Variants in TTC7B observed in about 807,000 individuals in gnomAD.
The protein encoded by TTC7B is tetratricopeptide repeat protein 7B.
Under a neutral mutation model 106.8 loss-of-function variants are expected in TTC7B, and 28 were observed. The observed-to-expected ratio is 0.26, with a 90% CI of 0.19 to 0.36. The LOEUF (loss-of-function observed/expected upper bound fraction) is 0.36. Ranked by LOEUF, TTC7B falls within the 10% of genes least tolerant of loss-of-function variation. The pLI is 1.00. For synonymous variants in TTC7B, 405 were observed against 430.6 expected (o/e 0.94, Z 0.74); for missense variants, 862 against 1,076.4 (o/e 0.80, Z 2.79).
chr14:90,766,547 C>A, intron 3 of TTC7B: 1 of 772,492 alleles, frequency 1.3e-6, no homozygotes, highest in South Asian at 1.4e-5. Flanking sequence ...CTAGTGATCC[C>A]TGAAAAGTTC....
chr14:90,629,181 C>T (rs545485259), intron 15 of TTC7B, among the ~76,000 whole-genome samples: 22 of 152,282 alleles, frequency 1.4e-4, no homozygotes, highest in African/African-American at 5.3e-4. Flanking sequence ...AGGATCCCCA[C>T]AAGAATACTT....
chr14:90,770,828 G>A (rs1396714168), intron 3 of TTC7B, among the ~76,000 whole-genome samples: 2 of 152,176 alleles, frequency 1.3e-5, no homozygotes, highest in Non-Finnish European at 2.9e-5. Flanking sequence ...GAGTCAAAAC[G>A]TGGTACATGC....
chr14:90,609,353 A>G (rs1449423350), intron 17 of TTC7B, among the ~76,000 whole-genome samples: 8 of 152,238 alleles, frequency 5.3e-5, no homozygotes, highest in Non-Finnish European at 1.2e-4. Flanking sequence ...CAGGAGCTGC[A>G]GGACTTTTGG....
At chr14:90,544,044 G>T (rs568361452) in intron 19 of TTC7B, among the ~76,000 whole-genome samples, 2 of 152,352 alleles carry the variant, frequency 1.3e-5, no homozygotes, top group South Asian at 4.1e-4. Flanking sequence ...CAGCCAAGGA[G>T]ACCCATGGCC....
chr14:90,689,400 T>A, intron 7 of TTC7B, 140 bp downstream of exon 7: 1 of 725,998 alleles, frequency 1.4e-6, no homozygotes, highest in Non-Finnish European at 2.2e-6. Context: ...GAGGAATCTC[T>A]ACTAAACTGG....
At chr14:90,682,850 A>G (rs1887109153) in intron 7 of TTC7B, among the ~76,000 whole-genome samples, 1 of 152,350 alleles carries the variant, frequency 6.6e-6, no homozygotes, top group African/African-American at 2.4e-5. Flanking sequence ...TCCTCGTCCC[A>G]GCCATGCCAC....
intron 3 of TTC7B, among the ~76,000 whole-genome samples, chr14:90,778,082 C>T (rs1891092193): frequency 6.6e-6 from 1 of 152,036 alleles, no homozygotes; most frequent in Admixed American, 6.5e-5. Flanking sequence ...ATAACCGTCC[C>T]TCTACACTGT....
chr14:90,689,805 G>A, intron 6 of TTC7B, 93 bp from the exon 7 acceptor site: 1 of 1,422,088 alleles, frequency 7.0e-7, no homozygotes, highest in African/African-American at 1.4e-5. Flanking sequence ...TCATCACATT[G>A]TGCTAAGCAC....
intron 4 of TTC7B, 84 bp from the exon 5 acceptor site, chr14:90,730,280 G>C (rs1232967443): frequency 4.0e-5 from 59 of 1,490,426 alleles, no homozygotes; most frequent in Non-Finnish European, 4.8e-5. Context: ...TGTACTGCTC[G>C]ACCTAAAAAA....
intron 5 of TTC7B, among the ~76,000 whole-genome samples, chr14:90,700,181 C>T (rs1887931040): frequency 6.6e-6 from 1 of 152,162 alleles, no homozygotes; most frequent in South Asian, 2.1e-4. Context: ...GGGAGCAGTA[C>T]TCCTACACCA....
At chr14:90,714,217 C>G (rs1352676871) in intron 5 of TTC7B, among the ~76,000 whole-genome samples, 2 of 148,674 alleles carry the variant, frequency 1.3e-5, no homozygotes, top group African/African-American at 5.0e-5. Flanking sequence ...GCAACAAGAG[C>G]GAAACTCTGT....
At chr14:90,622,093 G>C (rs974580418) in intron 15 of TTC7B, among the ~76,000 whole-genome samples, 1 of 151,280 alleles carries the variant, frequency 6.6e-6, no homozygotes, top group Non-Finnish European at 1.5e-5. Context: ...CTGTAAGCTA[G>C]CCACACAAAG....
At position 90,548,632 on chromosome 14, in the gene TTC7B, C is replaced by A. The variant is rs547581616; in HGVS notation, c.2311-7043G>T. Among the ~76,000 whole-genome samples the A allele has an allele frequency of 2.0e-3, 309 of 152,322 alleles. 2 individuals carry two copies. The highest frequency in any genetic ancestry group is 3.4e-3 in the Middle Eastern group (1 of 294). The stretch of plus-strand genomic sequence containing the variant: ...GCCTGGAGGGCAGGGACTGGGTGAA[C>A]CCCGGTCATCTCTGCACCTCCAGGC... On this transcript the variant is annotated intron_variant, in intron 19 of 19. Transcript: ENST00000328459.
In TTC7B at chr14:90,600,875, C is replaced by G. The variant is rs1192445674; in HGVS notation, c.1967-7249G>C. On this transcript the variant is annotated intron_variant, in intron 17 of 19. Coordinates refer to ENST00000328459, the MANE Select transcript of TTC7B (RefSeq NM_001010854.2). The surrounding 1 kb of genome is among the most constrained non-coding windows in gnomAD (Gnocchi z 4.3). ...CATTGGGCAGATGCTTCCATCTCCA[C>G]CTGAACCCTCCCTGATGCATATTCA... is the stretch of plus-strand genomic sequence containing the variant. 6.6e-6 allele frequency among the ~76,000 whole-genome samples: 1 copy of G among 152,210 alleles called. No individual in the cohort carries two copies. The highest frequency in any genetic ancestry group is 1.5e-5 in the Non-Finnish European group (1 of 68,038).
chr14:90,802,433 G>A lies in TTC7B; in HGVS notation c.121+13742C>T, dbSNP rs1377747153. Among the ~76,000 whole-genome samples, 1 of 152,060 alleles carries A rather than the reference G, an allele frequency of 6.6e-6. No homozygotes were observed. The highest frequency in any genetic ancestry group is 1.9e-4 in the East Asian group (1 of 5,176). On this transcript the variant is annotated intron_variant, in intron 1 of 19. Transcript: ENST00000328459. This position sits in a 1 kb window ranked among gnomAD's most constrained non-coding sequence, Gnocchi z 4.7. ...CTGAGCACAGGTGAAGGAGCCGCTG[G>A]CCTCTGAAGGGAGTGAGGGCTCCAA...
At chr14:90,549,288 G>A (rs1301398746) in intron 19 of TTC7B, among the ~76,000 whole-genome samples, 1 of 152,214 alleles carries the variant, frequency 6.6e-6, no homozygotes, top group Non-Finnish European at 1.5e-5. Flanking sequence ...AGGATCAGTG[G>A]CTTTTCCCAC....
rs1891223601 is a variant in TTC7B, at chr14:90,575,464, A to T, written c.2310+2642T>A. On this transcript the variant is annotated intron_variant, in intron 19 of 19. Coordinates refer to ENST00000328459, the MANE Select transcript of TTC7B (RefSeq NM_001010854.2). This position sits in a 1 kb window ranked among gnomAD's most constrained non-coding sequence, Gnocchi z 5.2. ...CCTCCATCGAAGGGCACAGAAACAC[A>T]GCTTCCCTGTGTAGCTTGTAGGGAA... 6.6e-6 allele frequency among the ~76,000 whole-genome samples: 1 copy of T among 152,144 alleles called. No individual in the cohort carries two copies. Among genetic ancestry groups the T allele is most frequent in the African/African-American group, 2.4e-5 (1 of 41,444 alleles).
At chr14:90,738,261 AG>A (rs1185560593) in intron 4 of TTC7B, among the ~76,000 whole-genome samples, 2 of 152,198 alleles carry the variant, frequency 1.3e-5, no homozygotes, top group Non-Finnish European at 2.9e-5. Context: ...AAACAATAGC[AG>A]CCCTGTCAAG....
intron 1 of TTC7B, among the ~76,000 whole-genome samples, chr14:90,797,610 G>C (rs1045836903): frequency 3.9e-5 from 6 of 152,012 alleles, no homozygotes; most frequent in African/African-American, 1.2e-4. Flanking sequence ...TGTCATGCTG[G>C]TGGGGGTATA....
Sources: allele counts gnomAD v4.1 joint callset (sites outside exome capture counted in the v4.1 genomes callset), GRCh38; gene constraint gnomAD v4.1.1; non-coding constraint Gnocchi (gnomAD v3.1); transcripts MANE v1.5; gene names NCBI Gene and HGNC (gene_info 2026-07-23, HGNC 2026-07-21).